The following IGSF11 variants were observed in gnomAD, a reference collection of about 807,000 sequenced individuals.
IGSF11 encodes immunoglobulin superfamily member 11.
In IGSF11, 22 loss-of-function variants were observed where a neutral mutation model predicts 41.0. The observed-to-expected ratio is 0.54, with a 90% CI of 0.38 to 0.77. The LOEUF is 0.77. Among genes scored for constraint, IGSF11 ranks in the 30% least tolerant of loss-of-function variants. The probability of loss-of-function intolerance (pLI) is 0.00; values close to 1 mark genes in which losing one functional copy is unlikely to be tolerated. For synonymous variants in IGSF11, 219 were observed against 201.3 expected (o/e 1.09, Z -0.74); for missense variants, 444 against 530.8 (o/e 0.84, Z 1.61).
intron 1 of IGSF11, among the ~76,000 whole-genome samples, chr3:119,016,184 T>C (rs2866465): frequency 0.41 from 62,287 of 151,896 alleles, 15,899 homozygotes; most frequent in African/African-American, 0.73. Flanking sequence ...CACTGGGCTG[T>C]GGGGCACAGA....
chr3:119,128,956 ATATACAC>A (rs1253509189), intron 1 of IGSF11, among the ~76,000 whole-genome samples: 2 of 152,250 alleles, frequency 1.3e-5, no homozygotes, highest in Admixed American at 1.3e-4. Context: ...AAATGTGGAC[ATATACAC>A]TATGGAATAC....
chr3:119,011,223 G>C (rs1001942217), intron 1 of IGSF11, among the ~76,000 whole-genome samples: 1 of 152,072 alleles, frequency 6.6e-6, no homozygotes, highest in African/African-American at 2.4e-5. Flanking sequence ...TGAGGACCAT[G>C]GTGATCGTGG....
intron 1 of IGSF11, among the ~76,000 whole-genome samples, chr3:119,068,336 G>A (rs1942295729): frequency 6.6e-6 from 1 of 152,182 alleles, no homozygotes; most frequent in Non-Finnish European, 1.5e-5. Context: ...TTAAGCTTGA[G>A]TACATTATTG....
chr3:119,053,906 T>C (rs1466901529), intron 1 of IGSF11, among the ~76,000 whole-genome samples: 1 of 152,040 alleles, frequency 6.6e-6, no homozygotes, highest in Non-Finnish European at 1.5e-5. Flanking sequence ...AACAAAAAGA[T>C]AAAGTGGGGA....
chr3:119,076,171 T>A (rs1229244272), intron 1 of IGSF11, among the ~76,000 whole-genome samples: 3 of 152,356 alleles, frequency 2.0e-5, no homozygotes, highest in East Asian at 3.9e-4. Flanking sequence ...AAGGATTACC[T>A]ACTTAATAAA....
chr3:119,046,699 C>T (rs928308098), intron 1 of IGSF11, among the ~76,000 whole-genome samples: 18 of 152,136 alleles, frequency 1.2e-4, no homozygotes, highest in Admixed American at 7.8e-4. Flanking sequence ...TTGTCAGATT[C>T]ACCAAAGTTG....
intron 1 of IGSF11, among the ~76,000 whole-genome samples, chr3:119,001,736 C>T (rs1438636213): frequency 1.3e-5 from 2 of 149,844 alleles, no homozygotes; most frequent in Admixed American, 1.3e-4. Context: ...GTTTTTTGTT[C>T]TTGTGATAGT....
At chr3:119,132,748 C>G (rs1177750614) in intron 1 of IGSF11, among the ~76,000 whole-genome samples, 2 of 152,176 alleles carry the variant, frequency 1.3e-5, no homozygotes, top group African/African-American at 4.8e-5. Flanking sequence ...CTCTCCACCC[C>G]AAATCAATAG....
At chr3:119,067,077 G>A (rs72953032) in intron 1 of IGSF11, among the ~76,000 whole-genome samples, 1 of 151,950 alleles carries the variant, frequency 6.6e-6, no homozygotes, top group Non-Finnish European at 1.5e-5. Flanking sequence ...CATCCTATTT[G>A]TCTTGCCTCA....
intron 1 of IGSF11, among the ~76,000 whole-genome samples, chr3:119,072,934 G>A (rs2076424808): frequency 6.6e-6 from 1 of 152,080 alleles, no homozygotes; most frequent in Admixed American, 6.5e-5. Context: ...TTTTGACCGG[G>A]TGCTGATTGG....
intron 1 of IGSF11, among the ~76,000 whole-genome samples, chr3:119,137,030 C>A (rs1353471841): frequency 6.6e-6 from 1 of 151,924 alleles, no homozygotes; most frequent in Admixed American, 6.6e-5. Context: ...AGTGAAAGAT[C>A]TCTACAATAA....
At chr3:119,055,027 C>T (rs552769358) in intron 1 of IGSF11, among the ~76,000 whole-genome samples, 20 of 152,290 alleles carry the variant, frequency 1.3e-4, no homozygotes, top group Admixed American at 3.3e-4. Context: ...CACCAATATC[C>T]GTTGTTCTGC....
intron 1 of IGSF11, among the ~76,000 whole-genome samples, chr3:118,945,223 G>C (rs112419259): frequency 6.6e-6 from 1 of 151,964 alleles, no homozygotes; most frequent in African/African-American, 2.4e-5. Context: ...AGAAAACAGA[G>C]GAAAGAAAAT....
Position 119,044,675 on chromosome 3 carries a change from C to T in IGSF11, c.49+60469G>A, listed in dbSNP as rs1043589464. ...GTTGTGAGGTAAAACCATCTGGTAA[C>T]CTGTCATACAAAGGAAAAGCTATCA... On this transcript the variant is annotated intron_variant, in intron 1 of 6. Transcript: ENST00000354673. 1.3e-5 allele frequency among the ~76,000 whole-genome samples: 2 copies of T among 152,266 alleles called. 1 individual carries two copies. The highest frequency in any genetic ancestry group is 2.9e-5 in the Non-Finnish European group (2 of 68,016).
upstream of IGSF11, among the ~76,000 whole-genome samples, chr3:119,106,635 G>T (rs954649582): frequency 6.6e-6 from 1 of 151,850 alleles, no homozygotes; most frequent in Admixed American, 6.6e-5. Context: ...TGTGCACAAC[G>T]TGCGGGTTAG....
intron 1 of IGSF11, among the ~76,000 whole-genome samples, chr3:118,979,354 A>G (rs949009967): frequency 6.6e-6 from 1 of 152,202 alleles, no homozygotes; most frequent in Admixed American, 6.5e-5. Context: ...ATAACAGATG[A>G]AAACTTGCCA....
At chr3:118,989,131 G>A (rs935655867) in intron 1 of IGSF11, among the ~76,000 whole-genome samples, 1 of 152,126 alleles carries the variant, frequency 6.6e-6, no homozygotes, top group African/African-American at 2.4e-5. Context: ...ACAAAAGATG[G>A]GAAGACAAAA....
At chr3:118,989,896 C>T (rs1229223382) in intron 1 of IGSF11, among the ~76,000 whole-genome samples, 1 of 152,126 alleles carries the variant, frequency 6.6e-6, no homozygotes. Context: ...TTAAGAGAGG[C>T]TCTAAAGGGG....
At chr3:118,903,883 T>A (rs975105429) in intron 6 of IGSF11, among the ~76,000 whole-genome samples, 6 of 152,056 alleles carry the variant, frequency 3.9e-5, no homozygotes, top group African/African-American at 1.4e-4. Context: ...ATCAAGGAAT[T>A]TAGTAAAGAG....
Sources: allele counts gnomAD v4.1 joint callset (sites outside exome capture counted in the v4.1 genomes callset), GRCh38; gene constraint gnomAD v4.1.1; transcripts MANE v1.5; gene names NCBI Gene and HGNC (gene_info 2026-07-23, HGNC 2026-07-21).